MAOA: variants seen among roughly 807,000 people sequenced by gnomAD.
The protein encoded by MAOA is amine oxidase [flavin-containing] A.
Under a neutral mutation model 42.0 loss-of-function variants are expected in MAOA, and 6 were observed. The ratio of observed to expected loss-of-function variants is 0.14; its 90% confidence interval spans 0.08 to 0.28. The LOEUF (loss-of-function observed/expected upper bound fraction) is 0.28, where lower values mean the gene tolerates loss of function less well. Ranked by LOEUF, MAOA falls within the 10% of genes least tolerant of loss-of-function variation. MAOA has a pLI of 1.00. For synonymous variants in MAOA, 140 were observed against 154.0 expected (o/e 0.91, Z 0.67); for missense variants, 262 against 422.3 (o/e 0.62, Z 3.33).
intron 3 of MAOA, among the ~76,000 whole-genome samples, chrX:43,706,395 G>A (rs781653189): frequency 9.9e-5 from 11 of 111,654 alleles, no homozygotes; most frequent in African/African-American, 3.6e-4. Flanking sequence ...GCCGCCAGAA[G>A]AACTCATTAT....
chrX:43,678,578 T>A (rs2033418892), intron 1 of MAOA, among the ~76,000 whole-genome samples: 1 of 112,005 alleles, frequency 8.9e-6, no homozygotes, highest in Admixed American at 9.5e-5. Flanking sequence ...CTTAAACTAA[T>A]CTGTAGGGTT....
chrX:43,683,271 C>A (rs767993805), intron 1 of MAOA, among the ~76,000 whole-genome samples: 1 of 111,824 alleles, frequency 8.9e-6, no homozygotes, highest in South Asian at 3.7e-4. Flanking sequence ...AAGACCATTA[C>A]ATTTTGTTTC....
intron 11 of MAOA, 152 bp downstream of exon 11, chrX:43,740,890 G>A (rs1164685885): frequency 8.2e-6 from 4 of 485,041 alleles, no homozygotes; most frequent in East Asian, 5.0e-5. Context: ...GTCACAAAAG[G>A]TCATTAAAAG....
chrX:43,689,104 G>A (rs758750100), intron 2 of MAOA, among the ~76,000 whole-genome samples: 165 of 110,536 alleles, frequency 1.5e-3, no homozygotes, highest in African/African-American at 3.2e-3. Flanking sequence ...TTTTGAGACA[G>A]AGTCTCACTG....
At chrX:43,672,316 T>G (rs1041881248) in intron 1 of MAOA, among the ~76,000 whole-genome samples, 16 of 111,406 alleles carry the variant, frequency 1.4e-4, no homozygotes, top group African/African-American at 4.9e-4. Flanking sequence ...TTTGCTGAAG[T>G]TGCTTATCAG....
rs189582362 is a variant in MAOA at position 43,663,721 on chromosome X, T to C, written c.73+7307T>C. Among the ~76,000 whole-genome samples, 108 of 112,479 alleles carry C rather than the reference T, an allele frequency of 9.6e-4. 1 individual carries two copies. The highest frequency in any genetic ancestry group is 3.1e-3 in the African/African-American group (96 of 31,099). Reference sequence around the variant, plus strand: ...GTGACTACTGCTTAACAGTAATTTATATATTATAAGATATCACAAGGAATG... The same window carrying C: ...GTGACTACTGCTTAACAGTAATTTACATATTATAAGATATCACAAGGAATG... On this transcript the variant is annotated intron_variant, in intron 1 of 14. Transcript: ENST00000338702.
intron 3 of MAOA, among the ~76,000 whole-genome samples, chrX:43,697,588 T>C (rs2033591210): frequency 8.9e-6 from 1 of 112,409 alleles, no homozygotes; most frequent in Admixed American, 9.4e-5. Context: ...TCTCATCGAA[T>C]GAAAAGATGA....
chrX:43,655,795 C>T (rs1195818187), upstream of MAOA: 1 of 127,945 alleles, frequency 7.8e-6, no homozygotes, highest in African/African-American at 3.2e-5. Context: ...ATACAAGCAC[C>T]TCCTACACCC....
At chrX:43,669,646 G>A (rs1242366217) in intron 1 of MAOA, among the ~76,000 whole-genome samples, 2 of 110,887 alleles carry the variant, frequency 1.8e-5, no homozygotes, top group Non-Finnish European at 1.9e-5. Context: ...ATTGGTAATG[G>A]TGGAATTTCT....
chrX:43,708,729 A>G (rs1227130836), intron 3 of MAOA, among the ~76,000 whole-genome samples: 2 of 103,694 alleles, frequency 1.9e-5, no homozygotes, highest in Non-Finnish European at 3.9e-5. Flanking sequence ...GTGGCACGAT[A>G]TCGGCTCACT....
At chrX:43,727,467 T>A (rs2033848089) in intron 5 of MAOA, among the ~76,000 whole-genome samples, 2 of 112,109 alleles carry the variant, frequency 1.8e-5, no homozygotes, top group South Asian at 7.4e-4. Context: ...ACTGTGAGCA[T>A]AAAACTGCCT....
intron 5 of MAOA, among the ~76,000 whole-genome samples, chrX:43,722,848 C>T (rs185533458): frequency 1.2e-3 from 131 of 111,436 alleles, no homozygotes; most frequent in Admixed American, 3.4e-3. Flanking sequence ...TAATCCATCT[C>T]GAGTTAATTT....
intron 1 of MAOA, among the ~76,000 whole-genome samples, chrX:43,669,012 G>C (rs980239538): frequency 9.0e-6 from 1 of 110,802 alleles, no homozygotes; most frequent in African/African-American, 3.3e-5. Flanking sequence ...TATTTTTCAG[G>C]TTTATTTTTC....
At chrX:43,671,301 C>G (rs1413448926) in intron 1 of MAOA, among the ~76,000 whole-genome samples, 1 of 107,650 alleles carries the variant, frequency 9.3e-6, no homozygotes, top group Non-Finnish European at 1.9e-5. Context: ...TTGTTTTTTT[C>G]TTGTAAATTT....
intron 9 of MAOA, among the ~76,000 whole-genome samples, chrX:43,735,488 C>T (rs758820377): frequency 8.9e-5 from 10 of 111,961 alleles, no homozygotes; most frequent in Non-Finnish European, 1.5e-4. Flanking sequence ...TATTTGGGGA[C>T]TATATTAGGT....
chrX:43,727,729 T>C (rs891944345), intron 5 of MAOA, among the ~76,000 whole-genome samples: 1 of 112,118 alleles, frequency 8.9e-6, no homozygotes, highest in Admixed American at 9.4e-5. Flanking sequence ...TCTCACAGCT[T>C]CCCTTGGCTA....
chrX:43,673,042 G>A (rs776473540), intron 1 of MAOA, among the ~76,000 whole-genome samples: 57 of 110,657 alleles, frequency 5.2e-4, no homozygotes, highest in African/African-American at 1.8e-3. Context: ...ACCTCTGGTA[G>A]AATTTGGCTG....
At chrX:43,705,325 G>A (rs959189845) in intron 3 of MAOA, among the ~76,000 whole-genome samples, 1 of 111,967 alleles carries the variant, frequency 8.9e-6, no homozygotes, top group Admixed American at 9.5e-5. Flanking sequence ...TTACATTTAT[G>A]CCCAATTGAT....
intron 12 of MAOA, among the ~76,000 whole-genome samples, chrX:43,743,201 A>G (rs1329929253): frequency 9.0e-6 from 1 of 111,438 alleles, no homozygotes. Flanking sequence ...CCTTCTTTGT[A>G]AGAGGAGACC....
Sources: allele counts gnomAD v4.1 joint callset (sites outside exome capture counted in the v4.1 genomes callset), GRCh38; gene constraint gnomAD v4.1.1; transcripts MANE v1.5; gene names NCBI Gene and HGNC (gene_info 2026-07-23, HGNC 2026-07-21).